The following COL4A2 variants were observed in gnomAD, a reference collection of about 807,000 sequenced individuals.
COL4A2 encodes collagen type IV alpha 2 chain.
In COL4A2, 99 loss-of-function variants were observed where a neutral mutation model predicts 200.2. That is an observed-to-expected ratio of 0.49 (90% CI 0.42 to 0.58). The LOEUF is 0.58. Among genes scored for constraint, COL4A2 ranks in the 20% least tolerant of loss-of-function variants. COL4A2 has a pLI of 0.00. For synonymous variants in COL4A2, 897 were observed against 900.6 expected (o/e 1.00, Z 0.07); for missense variants, 1,950 against 2,314.1 (o/e 0.84, Z 3.23).
chr13:110,387,583 G>A (rs1240290021), intron 4 of COL4A2, among the ~76,000 whole-genome samples: 1 of 152,254 alleles, frequency 6.6e-6, no homozygotes, highest in Non-Finnish European at 1.5e-5. Context: ...GGGGCCCCGA[G>A]CTGGGGAGGA....
At chr13:110,502,262 A>C (rs1321489351) in intron 41 of COL4A2, among the ~76,000 whole-genome samples, 1 of 152,248 alleles carries the variant, frequency 6.6e-6, no homozygotes, top group African/African-American at 2.4e-5. Context: ...AGAGGAATTA[A>C]GAAGCAAAAT....
chr13:110,312,308 A>C (rs1885006346), intron 3 of COL4A2, among the ~76,000 whole-genome samples: 1 of 152,224 alleles, frequency 6.6e-6, no homozygotes, highest in Non-Finnish European at 1.5e-5. Context: ...CGAAAAGCGC[A>C]GGAGAGGAAA....
Position 110,462,197 on chromosome 13 carries a change from C to G in COL4A2, c.1669+11C>G. 6.2e-7 allele frequency: 1 copy of G among 1,614,262 alleles called. No homozygotes were observed. The highest frequency in any genetic ancestry group is 8.5e-7 in the Non-Finnish European group (1 of 1,180,048). ...CAATCACAACCAAAGGTGAGTTCCT[C>G]TCTGGCCACGCGGCCCCTGGGGCAC... On this transcript the variant is annotated intron_variant, in intron 23 of 47. Coordinates refer to ENST00000360467, the MANE Select transcript of COL4A2 (RefSeq NM_001846.4).
At position 110,482,601 on chromosome 13, in the gene COL4A2, G is replaced by C. The variant is rs1458711906; in HGVS notation, c.2844G>C (p.Glu948Asp). ...GRPGFPGSKG[E>D]AGFFGIPGLK... ...CCGGGTTTCCAGGGAGCAAAGGCGA[G>C]GCTGGATTTTTCGGAATACCCGGTC... The change falls in exon 32 of 48, where the codon GAG becomes GAC. Residue 948 changes from glutamate to aspartate, a missense_variant. Coordinates refer to ENST00000360467, the MANE Select transcript of COL4A2 (RefSeq NM_001846.4). The C allele has an allele frequency of 1.9e-6, 3 of 1,614,036 alleles. No homozygotes were observed. Among genetic ancestry groups the C allele is most frequent in the Non-Finnish European group, 2.5e-6 (3 of 1,180,036 alleles).
chr13:110,451,017 C>T (rs574335465), intron 20 of COL4A2, among the ~76,000 whole-genome samples: 1 of 152,202 alleles, frequency 6.6e-6, no homozygotes, highest in Non-Finnish European at 1.5e-5. Flanking sequence ...AGCCGTCCCC[C>T]AAGGCCCAGA....
Position 110,340,790 on chromosome 13 carries a change from C to T in COL4A2, c.100-16682C>T, listed in dbSNP as rs189814552. Among the ~76,000 whole-genome samples, 614 of 152,290 alleles carry T rather than the reference C, an allele frequency of 4.0e-3. 1 individual carries two copies. Among genetic ancestry groups the T allele is most frequent in the Admixed American group, 6.8e-3 (104 of 15,304 alleles). ...TCCCCGAGAGCAAACCCCAGCTTCT[C>T]GCTTGCTTCAGGCTCTGCATGTGTG... On this transcript the variant is annotated intron_variant, in intron 3 of 47. Coordinates refer to ENST00000360467, the MANE Select transcript of COL4A2 (RefSeq NM_001846.4).
intron 3 of COL4A2, among the ~76,000 whole-genome samples, chr13:110,350,278 C>G (rs759477049): frequency 6.6e-6 from 1 of 152,188 alleles, no homozygotes; most frequent in African/African-American, 2.4e-5. Flanking sequence ...CCAACTGGCT[C>G]CTAAACATTT....
chr13:110,477,071 G>A (rs772032436), intron 29 of COL4A2, among the ~76,000 whole-genome samples: 12 of 152,286 alleles, frequency 7.9e-5, no homozygotes, highest in Non-Finnish European at 1.2e-4. Flanking sequence ...CAAAGAGGCC[G>A]GGCACAGTGG....
chr13:110,321,078 C>G (rs971056482), intron 3 of COL4A2, among the ~76,000 whole-genome samples: 3 of 152,096 alleles, frequency 2.0e-5, no homozygotes, highest in African/African-American at 7.2e-5. Flanking sequence ...ATCAATATAG[C>G]ACCTACCTTA....
At chr13:110,463,848 AT>A (rs1197052945) in intron 24 of COL4A2, among the ~76,000 whole-genome samples, 3 of 152,158 alleles carry the variant, frequency 2.0e-5, no homozygotes, top group Non-Finnish European at 4.4e-5. Flanking sequence ...CATTTTTACA[AT>A]TTAAGTGCAG....
intron 18 of COL4A2, among the ~76,000 whole-genome samples, chr13:110,447,417 G>A (rs771526794): frequency 3.3e-5 from 5 of 152,128 alleles, no homozygotes; most frequent in African/African-American, 4.8e-5. Context: ...GAGTGTAAAC[G>A]AAGGACTTTG....
intron 30 of COL4A2, 69 bp from the exon 31 acceptor site, chr13:110,480,151 A>G (rs1449221033): frequency 6.8e-7 from 1 of 1,467,434 alleles, no homozygotes; most frequent in East Asian, 2.4e-5. Context: ...TCAATGCCGT[A>G]AAAGCAGAAG....
rs1299751770 is a variant in COL4A2, at chr13:110,506,615, C to G, written c.4594+9C>G. On this transcript the variant is annotated intron_variant, in intron 46 of 47. Coordinates refer to ENST00000360467, the MANE Select transcript of COL4A2 (RefSeq NM_001846.4). ...GCACAACCAGGACCTGGGTAGGTACCTCCCACCCGGCCCCCGTTGCCTGCT... is the reference window on the plus strand; with the variant it reads ...GCACAACCAGGACCTGGGTAGGTACGTCCCACCCGGCCCCCGTTGCCTGCT... The G allele has an allele frequency of 6.3e-7, 1 of 1,597,026 alleles. No homozygotes were observed. The highest frequency in any genetic ancestry group is 1.3e-5 in the African/African-American group (1 of 74,758).
chr13:110,504,644 C>T (rs1313350811), intron 45 of COL4A2, among the ~76,000 whole-genome samples: 1 of 152,294 alleles, frequency 6.6e-6, no homozygotes, highest in Non-Finnish European at 1.5e-5. Context: ...CGCTCTGTCT[C>T]ACCCAGGCTG....
intron 29 of COL4A2, among the ~76,000 whole-genome samples, chr13:110,475,506 G>A (rs886109097): frequency 2.0e-5 from 3 of 152,224 alleles, no homozygotes; most frequent in African/African-American, 7.2e-5. Flanking sequence ...GTTTGAGCAT[G>A]AAAACAAATG....
intron 32 of COL4A2, among the ~76,000 whole-genome samples, chr13:110,483,932 A>G (rs1384080598): frequency 6.6e-6 from 1 of 152,202 alleles, no homozygotes; most frequent in East Asian, 1.9e-4. Context: ...TACATCAATA[A>G]GCTGTTTTGG....
chr13:110,335,314 A>G (rs934264943), intron 3 of COL4A2, among the ~76,000 whole-genome samples: 7 of 152,074 alleles, frequency 4.6e-5, no homozygotes, highest in Non-Finnish European at 1.0e-4. Flanking sequence ...TAGCTCCCAT[A>G]ATTCCCACAT....
rs773576081 is a variant in COL4A2, at chr13:110,357,550, C to A, written c.178C>A (p.Arg60Ser). Residue 60 changes from arginine to serine, a missense_variant and splice_region_variant, in exon 4 of 48, where the codon CGT (arginine) becomes AGT (serine). By Grantham distance (110) the Arg-to-Ser change is moderately radical. This residue lies in a region of COL4A2 where 565 missense variants were observed against 593.5 expected (regional missense o/e 0.95). Transcript: ENST00000360467. The part of the protein sequence containing the change: ...GCQCYPEKGG[R>S]GQPGPVGPQG... ...CCAGTGCTACCCTGAGAAAGGTGGACGTGTAAGTCACAGCATTGCAATAAA... is the reference window on the plus strand; with the variant it reads ...CCAGTGCTACCCTGAGAAAGGTGGAAGTGTAAGTCACAGCATTGCAATAAA... 1.3e-6 allele frequency: 2 copies of A among 1,578,986 alleles called. No homozygotes were observed. The highest frequency in any genetic ancestry group is 1.7e-6 in the Non-Finnish European group (2 of 1,159,852).
intron 4 of COL4A2, among the ~76,000 whole-genome samples, chr13:110,363,284 G>A (rs1433121565): frequency 6.6e-6 from 1 of 152,188 alleles, no homozygotes; most frequent in Non-Finnish European, 1.5e-5. Flanking sequence ...TGACAAGCTC[G>A]CTCAAGTAAG....
Sources: allele counts gnomAD v4.1 joint callset (sites outside exome capture counted in the v4.1 genomes callset), GRCh38; gene constraint gnomAD v4.1.1; regional missense constraint gnomAD v4.1.1; transcripts MANE v1.5; gene names NCBI Gene and HGNC (gene_info 2026-07-23, HGNC 2026-07-21).